OPHN1: variants seen among roughly 807,000 people sequenced by gnomAD.
OPHN1 encodes oligophrenin 1.
In OPHN1, 11 loss-of-function variants were observed where a neutral mutation model predicts 60.7. The observed-to-expected ratio is 0.18, with a 90% CI of 0.11 to 0.30. OPHN1 has a LOEUF of 0.30. Among genes scored for constraint, OPHN1 ranks in the 10% least tolerant of loss-of-function variants. The pLI is 1.00. For synonymous variants in OPHN1, 226 were observed against 222.6 expected (o/e 1.02, Z -0.14); for missense variants, 449 against 611.0 (o/e 0.73, Z 2.80).
chrX:68,078,711 C>T (rs944429992), intron 19 of OPHN1, among the ~76,000 whole-genome samples: 3 of 110,893 alleles, frequency 2.7e-5, no homozygotes, highest in African/African-American at 9.9e-5. Context: ...TTCAGCTGGG[C>T]GCGGTGGCTC....
At chrX:68,163,289 T>TG (rs2077342926) in intron 15 of OPHN1, among the ~76,000 whole-genome samples, 1 of 111,555 alleles carries the variant, frequency 9.0e-6, no homozygotes, top group Non-Finnish European at 1.9e-5. Flanking sequence ...TGAATTTTTT[T>TG]TTGTTGTTTA....
chrX:68,081,915 A>G (rs1252947767), intron 19 of OPHN1, among the ~76,000 whole-genome samples: 1 of 112,151 alleles, frequency 8.9e-6, no homozygotes, highest in African/African-American at 3.2e-5. Flanking sequence ...TTCTTTCAAA[A>G]TTGGAGTCAC....
intron 5 of OPHN1, among the ~76,000 whole-genome samples, chrX:68,261,257 T>A (rs1787031960): frequency 9.0e-6 from 1 of 111,523 alleles, no homozygotes; most frequent in African/African-American, 3.3e-5. Context: ...GAAAAAGAAC[T>A]GAAAACATCA....
intron 15 of OPHN1, among the ~76,000 whole-genome samples, chrX:68,146,643 C>A (rs1403142235): frequency 8.9e-6 from 1 of 112,424 alleles, no homozygotes; most frequent in Non-Finnish European, 1.9e-5. Flanking sequence ...GCAGAGGGGC[C>A]TAGGAAAGCT....
intron 6 of OPHN1, among the ~76,000 whole-genome samples, chrX:68,221,579 A>T (rs1457074570): frequency 1.1e-5 from 1 of 90,870 alleles, no homozygotes; most frequent in African/African-American, 3.8e-5. Context: ...ACCAAAACAG[A>T]GAGATAGACC....
intron 3 of OPHN1, among the ~76,000 whole-genome samples, chrX:68,287,209 G>GAA (rs2078047650): frequency 2.1e-5 from 2 of 93,198 alleles, no homozygotes; most frequent in African/African-American, 8.4e-5. Context: ...GGAGGAGAAG[G>GAA]GGAAGGGAAG....
intron 15 of OPHN1, among the ~76,000 whole-genome samples, chrX:68,150,225 T>C (rs73212852): frequency 9.0e-6 from 1 of 111,709 alleles, no homozygotes; most frequent in Non-Finnish European, 1.9e-5. Flanking sequence ...GGAAAAGTTT[T>C]AGCATTAGAT....
intron 14 of OPHN1, among the ~76,000 whole-genome samples, chrX:68,193,408 C>T (rs757136981): frequency 1.8e-5 from 2 of 111,585 alleles, no homozygotes; most frequent in South Asian, 3.8e-4. Flanking sequence ...CCATTTCCTG[C>T]ACCAAGAAAG....
At chrX:68,335,798 CGTGCACCTGTA>C (rs1397084136) in intron 2 of OPHN1, among the ~76,000 whole-genome samples, 1 of 111,039 alleles carries the variant, frequency 9.0e-6, no homozygotes, top group Non-Finnish European at 1.9e-5. Context: ...GCACGGGTGG[CGTGCACCTGTA>C]GTCCAATCTA....
chrX:68,333,048 C>T (rs1040356701), intron 2 of OPHN1, among the ~76,000 whole-genome samples: 1 of 110,883 alleles, frequency 9.0e-6, no homozygotes, highest in African/African-American at 3.3e-5. Context: ...AACACTAAAA[C>T]TTCAAGTTCA....
At chrX:68,329,939 T>C (rs1041287488) in intron 2 of OPHN1, among the ~76,000 whole-genome samples, 2 of 111,909 alleles carry the variant, frequency 1.8e-5, no homozygotes, top group Non-Finnish European at 3.8e-5. Flanking sequence ...TGAGAACACA[T>C]ATGTAAATGG....
chrX:68,120,778 A>G lies in OPHN1; in HGVS notation c.1277-1446T>C, dbSNP rs866213484. 2.0e-4 allele frequency among the ~76,000 whole-genome samples: 22 copies of G among 112,370 alleles called. 1 individual carries two copies. Among genetic ancestry groups the G allele is most frequent in the African/African-American group, 6.8e-4 (21 of 30,972 alleles). ...TATAATCACATATAAACAGCATGGT[A>G]CTGGCATAAAAACAGACCAATCAAC... is the stretch of plus-strand genomic sequence containing the variant. On this transcript the variant is annotated intron_variant, in intron 15 of 24. Transcript: ENST00000355520.
intron 2 of OPHN1, among the ~76,000 whole-genome samples, chrX:68,318,397 G>A (rs2078219516): frequency 1.8e-5 from 2 of 111,589 alleles, no homozygotes; most frequent in African/African-American, 6.5e-5. Flanking sequence ...TTTTTTTGGG[G>A]CAAAGACAGA....
At chrX:68,257,493 T>C (rs1466944645) in intron 5 of OPHN1, among the ~76,000 whole-genome samples, 2 of 111,734 alleles carry the variant, frequency 1.8e-5, no homozygotes, top group African/African-American at 6.5e-5. Flanking sequence ...TCTGGTTTCC[T>C]GTTCTGTAAA....
At chrX:68,161,489 G>T (rs1318353034) in intron 15 of OPHN1, among the ~76,000 whole-genome samples, 1 of 110,600 alleles carries the variant, frequency 9.0e-6, no homozygotes, top group Non-Finnish European at 1.9e-5. Flanking sequence ...ACCTTAATTA[G>T]AACCTCAATT....
At chrX:68,078,825 A>G (rs2076963298) in intron 19 of OPHN1, among the ~76,000 whole-genome samples, 1 of 109,615 alleles carries the variant, frequency 9.1e-6, no homozygotes, top group South Asian at 3.9e-4. Context: ...AGCTCTATTA[A>G]TAGTACAAAA....
At chrX:68,232,226 A>G (rs2077731965) in intron 6 of OPHN1, among the ~76,000 whole-genome samples, 1 of 111,755 alleles carries the variant, frequency 8.9e-6, no homozygotes, top group Admixed American at 9.6e-5. Flanking sequence ...CCAGAAGACC[A>G]CCCCAATTTT....
rs984016976 is a variant in OPHN1 at position 68,332,524 on chromosome X, A to G, written c.155-33428T>C. Among the ~76,000 whole-genome samples the G allele has an allele frequency of 4.5e-5, 5 of 112,053 alleles. No homozygotes were observed. In the Admixed American group the frequency reaches 4.8e-4, roughly 11 times the overall value. The stretch of plus-strand genomic sequence containing the variant: ...CCACAGCCGAGGGAAAGGTTATACC[A>G]CTTGGGTATTTAATCTGCCTTGGAG... On this transcript the variant is annotated intron_variant, in intron 2 of 24. Coordinates refer to ENST00000355520, the MANE Select transcript of OPHN1 (RefSeq NM_002547.3).
At chrX:68,341,863 A>G (rs2078353682) in intron 2 of OPHN1, among the ~76,000 whole-genome samples, 1 of 110,544 alleles carries the variant, frequency 9.0e-6, no homozygotes, top group Admixed American at 9.7e-5. Context: ...AAAGAAATAT[A>G]TCAATCTGGC....
Sources: allele counts gnomAD v4.1 joint callset (sites outside exome capture counted in the v4.1 genomes callset), GRCh38; gene constraint gnomAD v4.1.1; transcripts MANE v1.5; gene names NCBI Gene and HGNC (gene_info 2026-07-23, HGNC 2026-07-21).